TSPAN5: variants seen among roughly 807,000 people sequenced by gnomAD.
TSPAN5 encodes tetraspanin 5.
A neutral mutation model predicts 37.1 loss-of-function variants in TSPAN5; 10 were observed. The observed-to-expected ratio is 0.27, with a 90% CI of 0.17 to 0.46. The LOEUF (loss-of-function observed/expected upper bound fraction) is 0.46, where lower values mean the gene tolerates loss of function less well. Ranked by LOEUF, TSPAN5 falls within the 20% of genes least tolerant of loss-of-function variation. The pLI, the probability that TSPAN5 is intolerant of heterozygous loss-of-function variation, is 1.00. For synonymous variants in TSPAN5, 110 were observed against 118.9 expected, an observed-to-expected ratio of 0.93 and a Z score of 0.48; for missense variants, 195 against 326.6, an observed-to-expected ratio of 0.60 and a Z score of 3.11.
intron 1 of TSPAN5, among the ~76,000 whole-genome samples, chr4:98,587,182 T>C (rs935908696): frequency 1.3e-5 from 2 of 152,160 alleles, no homozygotes; most frequent in Non-Finnish European, 2.9e-5. Flanking sequence ...TTCATAACAA[T>C]GCAGTAACAA....
At chr4:98,539,665 T>G (rs1754316198) in intron 1 of TSPAN5, among the ~76,000 whole-genome samples, 1 of 152,142 alleles carries the variant, frequency 6.6e-6, no homozygotes, top group South Asian at 2.1e-4. Flanking sequence ...TATTGCAACA[T>G]AATTTTAATT....
chr4:98,579,841 A>G (rs1755329861), intron 1 of TSPAN5, among the ~76,000 whole-genome samples: 1 of 152,350 alleles, frequency 6.6e-6, no homozygotes, highest in South Asian at 2.1e-4. Flanking sequence ...ACAGCAAATA[A>G]TTTGGTCCCA....
intron 1 of TSPAN5, among the ~76,000 whole-genome samples, chr4:98,590,093 A>G (rs747223466): frequency 2.6e-5 from 4 of 152,168 alleles, no homozygotes; most frequent in Non-Finnish European, 5.9e-5. Context: ...AACACAGACC[A>G]TGAAATGAAA....
At chr4:98,648,292 C>T (rs1406292768) in intron 1 of TSPAN5, among the ~76,000 whole-genome samples, 4 of 152,152 alleles carry the variant, frequency 2.6e-5, no homozygotes, top group Non-Finnish European at 4.4e-5. Context: ...TGGAGGCCAA[C>T]GAGAAAGCCC....
chr4:98,604,483 G>A (rs762010363), intron 1 of TSPAN5, among the ~76,000 whole-genome samples: 22 of 152,202 alleles, frequency 1.4e-4, no homozygotes, highest in Admixed American at 2.6e-4. Flanking sequence ...GCAATGAACT[G>A]TCTTATAAAA....
intron 1 of TSPAN5, among the ~76,000 whole-genome samples, chr4:98,513,906 A>ATAGT (rs1560518773): frequency 6.7e-6 from 1 of 149,562 alleles, no homozygotes; most frequent in Non-Finnish European, 1.5e-5. Flanking sequence ...AGATAGATAG[A>ATAGT]TAGTATATAT....
intron 1 of TSPAN5, among the ~76,000 whole-genome samples, chr4:98,564,059 G>A (rs922956945): frequency 6.6e-6 from 1 of 152,178 alleles, no homozygotes; most frequent in Non-Finnish European, 1.5e-5. Context: ...AAAAACGTGT[G>A]ATGAGACAAA....
chr4:98,628,941 A>T (rs1219198553), intron 1 of TSPAN5, among the ~76,000 whole-genome samples: 1 of 152,212 alleles, frequency 6.6e-6, no homozygotes, highest in Non-Finnish European at 1.5e-5. Flanking sequence ...AAAAGGCAAC[A>T]TCTATAATCT....
intron 1 of TSPAN5, among the ~76,000 whole-genome samples, chr4:98,528,956 C>G (rs899169077): frequency 6.6e-6 from 1 of 152,106 alleles, no homozygotes; most frequent in Non-Finnish European, 1.5e-5. Flanking sequence ...TGTTATTATT[C>G]ACATTTAACA....
intron 1 of TSPAN5, among the ~76,000 whole-genome samples, chr4:98,541,243 T>C (rs941771859): frequency 6.6e-6 from 1 of 152,206 alleles, no homozygotes; most frequent in African/African-American, 2.4e-5. Context: ...GCAGGAGAGA[T>C]GTGGATTTGA....
chr4:98,580,619 G>C (rs560011294), intron 1 of TSPAN5, among the ~76,000 whole-genome samples: 2 of 152,284 alleles, frequency 1.3e-5, no homozygotes, highest in Non-Finnish European at 1.5e-5. Context: ...ATGAGGAACA[G>C]GGGAGAACAA....
At chr4:98,603,502 G>A (rs751354652) in intron 1 of TSPAN5, among the ~76,000 whole-genome samples, 20 of 152,136 alleles carry the variant, frequency 1.3e-4, no homozygotes, top group South Asian at 2.1e-4. Flanking sequence ...TCAAACTAGC[G>A]CATGGAAGAA....
At chr4:98,529,959 T>A (rs113537213) in intron 1 of TSPAN5, among the ~76,000 whole-genome samples, 64 of 152,350 alleles carry the variant, frequency 4.2e-4, no homozygotes, top group African/African-American at 1.5e-3. Context: ...TACACTGCCA[T>A]AGAAGCACAA....
At chr4:98,631,465 T>C (rs1003659155) in intron 1 of TSPAN5, among the ~76,000 whole-genome samples, 3 of 152,060 alleles carry the variant, frequency 2.0e-5, no homozygotes, top group African/African-American at 4.8e-5. Context: ...CAGGCAAACA[T>C]AGCACTCGAT....
chr4:98,591,721 T>G (rs1275203728), intron 1 of TSPAN5, among the ~76,000 whole-genome samples: 1 of 141,300 alleles, frequency 7.1e-6, no homozygotes, highest in East Asian at 2.0e-4. Context: ...TTTTTTTCTT[T>G]TTAATGTGTC....
intron 2 of TSPAN5, among the ~76,000 whole-genome samples, chr4:98,501,170 TTTC>T (rs780259582): frequency 4.6e-5 from 7 of 152,210 alleles, no homozygotes; most frequent in Admixed American, 6.5e-5. Context: ...GAGAAGTAAT[TTTC>T]TTCTTTTCTG....
At chr4:98,647,576 T>C (rs1757096590) in intron 1 of TSPAN5, among the ~76,000 whole-genome samples, 2 of 152,178 alleles carry the variant, frequency 1.3e-5, no homozygotes, top group Admixed American at 6.6e-5. Context: ...GCCCTATGCC[T>C]TCTAATACTT....
intron 1 of TSPAN5, among the ~76,000 whole-genome samples, chr4:98,534,573 T>C (rs1754189266): frequency 6.6e-6 from 1 of 152,346 alleles, no homozygotes; most frequent in African/African-American, 2.4e-5. Flanking sequence ...AATATCCTTG[T>C]TAATTTTCTG....
chr4:98,496,047 T>C (rs1427248702), intron 2 of TSPAN5, among the ~76,000 whole-genome samples: 2 of 152,136 alleles, frequency 1.3e-5, no homozygotes, highest in Non-Finnish European at 2.9e-5. Context: ...AACCAGATCC[T>C]ACTGACAACA....
Sources: gnomAD v4.1 joint callset for allele counts (sites outside exome capture counted in the v4.1 genomes callset) on GRCh38, gnomAD v4.1.1 for gene constraint, MANE v1.5 for transcripts, NCBI Gene and HGNC (gene_info 2026-07-23, HGNC 2026-07-21) for gene names.